SLCO2A1: variants seen among roughly 807,000 people sequenced by gnomAD.
The protein encoded by SLCO2A1 is matrin F/G 1.
Under a neutral mutation model 71.7 loss-of-function variants are expected in SLCO2A1, and 60 were observed. The observed-to-expected ratio is 0.84, with a 90% CI of 0.68 to 1.04. SLCO2A1 has a LOEUF of 1.04. Ranked by LOEUF, SLCO2A1 falls within the 50% of genes least tolerant of loss-of-function variation. SLCO2A1 has a pLI of 0.00. For missense variants in SLCO2A1, 745 were observed against 813.4 expected, an observed-to-expected ratio of 0.92 and a Z score of 1.02; for synonymous variants, 308 against 326.7, an observed-to-expected ratio of 0.94 and a Z score of 0.62.
chr3:133,938,433 C>A lies in SLCO2A1; in HGVS notation c.1686G>T (p.Leu562Phe), dbSNP rs761177468. The A allele has an allele frequency of 1.2e-6, 2 of 1,613,956 alleles. No individual in the cohort carries two copies. Among genetic ancestry groups the A allele is most frequent in the African/African-American group, 1.3e-5 (1 of 74,930 alleles). Residue 562 changes from leucine to phenylalanine, a missense_variant, in exon 12 of 14, where the codon TTG becomes TTT. Leu to Phe is a conservative substitution (Grantham distance 22, BLOSUM62 0). Coordinates refer to ENST00000310926, the MANE Select transcript of SLCO2A1 (RefSeq NM_005630.3). ...AGAGGGGTCTTAGACACTTACCCAG[C>A]AAGCGCATCAACAAGAACTGCACCC... ...AIGVQFLLMR[L>F]LAWLPSPALY...
rs147644142 is a variant in SLCO2A1 at position 133,945,240 on chromosome 3, G to A, written c.1316C>T (p.Pro439Leu). The change falls in exon 10 of 14, where the codon CCG becomes CTG. Residue 439 changes from proline to leucine, a missense_variant. Physicochemically the swap from Pro to Leu is moderately conservative, Grantham distance 98. Coordinates refer to ENST00000310926, the MANE Select transcript of SLCO2A1 (RefSeq NM_005630.3). ...GTCCCTGCGGCAGGCAGGAGACTGC[G>A]GATGTATAGAACTTGATGTGCTGCC... The part of the protein sequence containing the change: ...YPPSTSSSIH[P>L]QSPACRRDCS... 238 of 1,610,278 alleles carry A rather than the reference G, an allele frequency of 1.5e-4. No homozygotes were observed. The East Asian group carries it at 1.6e-3, about 11-fold the overall frequency.
At chr3:133,954,920 C>G in intron 4 of SLCO2A1, 46 bp downstream of exon 4, 1 of 1,507,410 alleles carries the variant, frequency 6.6e-7, no homozygotes, top group South Asian at 1.2e-5. Flanking sequence ...AGTGCTACAT[C>G]AGGACCTCAC....
At chr3:133,936,444 C>T (rs747693354) in intron 12 of SLCO2A1, among the ~76,000 whole-genome samples, 2 of 152,214 alleles carry the variant, frequency 1.3e-5, no homozygotes, top group Non-Finnish European at 2.9e-5. Context: ...CACCCCTCTG[C>T]AGACCTCCCA....
Position 134,004,493 on chromosome 3 carries a change from C to T in SLCO2A1, c.97-24875G>A, listed in dbSNP as rs556902481. On this transcript the variant is annotated intron_variant, in intron 1 of 13. Transcript: ENST00000310926. ...GGGACTACAGTCGTGCCCCACCATGCCTGGCTAATTTTGTATTTTTAGTAG... is the reference window on the plus strand; with the variant it reads ...GGGACTACAGTCGTGCCCCACCATGTCTGGCTAATTTTGTATTTTTAGTAG... Among the ~76,000 whole-genome samples the T allele has an allele frequency of 7.0e-4, 106 of 152,284 alleles. 1 individual carries two copies. Among genetic ancestry groups the T allele is most frequent in the African/African-American group, 2.3e-3 (95 of 41,554 alleles).
intron 3 of SLCO2A1, among the ~76,000 whole-genome samples, chr3:133,967,525 A>G (rs1048395644): frequency 1.3e-5 from 2 of 152,198 alleles, no homozygotes; most frequent in Non-Finnish European, 2.9e-5. Context: ...GCATTTAAAA[A>G]ATGTTCCACA....
chr3:133,975,286 T>G (rs2108056092), intron 2 of SLCO2A1, among the ~76,000 whole-genome samples: 1 of 152,264 alleles, frequency 6.6e-6, no homozygotes, highest in East Asian at 1.9e-4. Flanking sequence ...AAATGGCACC[T>G]CCATCCTCCC....
At chr3:134,020,360 C>T (rs565157461) in intron 1 of SLCO2A1, among the ~76,000 whole-genome samples, 20 of 152,296 alleles carry the variant, frequency 1.3e-4, no homozygotes, top group African/African-American at 4.8e-4. Context: ...GACCGGGAAG[C>T]GAGGTGATTG....
At chr3:133,993,777 T>C (rs990358852) in intron 1 of SLCO2A1, among the ~76,000 whole-genome samples, 15 of 152,222 alleles carry the variant, frequency 9.9e-5, no homozygotes, top group Non-Finnish European at 1.0e-4. Flanking sequence ...TTCAGACCTA[T>C]TAGATATTAT....
At chr3:133,959,423 T>C (rs1576434827) in intron 3 of SLCO2A1, among the ~76,000 whole-genome samples, 1 of 142,104 alleles carries the variant, frequency 7.0e-6, no homozygotes, top group East Asian at 2.0e-4. Context: ...AGAAAACGAG[T>C]GTTGGCAAGG....
At chr3:133,960,983 T>C (rs1934022340) in intron 3 of SLCO2A1, among the ~76,000 whole-genome samples, 1 of 151,568 alleles carries the variant, frequency 6.6e-6, no homozygotes, top group South Asian at 2.1e-4. Flanking sequence ...TGAATAAAGG[T>C]CAGTGAGGCT....
At chr3:133,967,324 G>T (rs1934203740) in intron 3 of SLCO2A1, among the ~76,000 whole-genome samples, 1 of 152,180 alleles carries the variant, frequency 6.6e-6, no homozygotes, top group Non-Finnish European at 1.5e-5. Context: ...TGATAGAAAA[G>T]CCTGACAGAG....
intron 3 of SLCO2A1, among the ~76,000 whole-genome samples, chr3:133,965,792 T>G (rs1191557706): frequency 1.4e-5 from 1 of 69,692 alleles, no homozygotes; most frequent in Non-Finnish European, 3.3e-5. Context: ...CTGGAAGCCT[T>G]ATTTTGTGTA....
chr3:133,945,027 T>C, intron 10 of SLCO2A1, 68 bp downstream of exon 10: 5 of 1,526,872 alleles, frequency 3.3e-6, no homozygotes, highest in Non-Finnish European at 4.4e-6. Flanking sequence ...AAACAGTCTT[T>C]GAGGGCATGC....
At chr3:133,937,123 T>C (rs1933288871) in intron 12 of SLCO2A1, among the ~76,000 whole-genome samples, 1 of 152,092 alleles carries the variant, frequency 6.6e-6, no homozygotes, top group Admixed American at 6.5e-5. Flanking sequence ...GTCCTTGTTT[T>C]CAAGGTCATT....
chr3:133,955,077 G>C lies in SLCO2A1; in HGVS notation c.514C>G (p.Leu172Val). The change falls in exon 4 of 14, where the codon CTG becomes GTG. Residue 172 changes from leucine to valine, a missense_variant. Coordinates refer to ENST00000310926, the MANE Select transcript of SLCO2A1 (RefSeq NM_005630.3). ...GCCAGCAGCTGGGCAACCACCATCA[G>C]GCCCCACATGCTGCTGGTCTCCTTC... is the stretch of plus-strand genomic sequence containing the variant. ...PQKETSSMWGLMVVAQLLAGI... is the reference protein window; with the variant it reads ...PQKETSSMWGVMVVAQLLAGI... The C allele has an allele frequency of 6.2e-7, 1 of 1,614,202 alleles. No homozygotes were observed.
chr3:134,002,361 A>G (rs1474284884), intron 1 of SLCO2A1, among the ~76,000 whole-genome samples: 1 of 152,226 alleles, frequency 6.6e-6, no homozygotes, highest in Admixed American at 6.5e-5. Context: ...CCCAGGCCAC[A>G]GCAGAAAGCT....
intron 1 of SLCO2A1, among the ~76,000 whole-genome samples, chr3:133,998,127 T>A (rs759814017): frequency 1.1e-4 from 16 of 152,298 alleles, no homozygotes; most frequent in Middle Eastern, 3.4e-3. Flanking sequence ...TGGGATCCCC[T>A]TGGTTCCATG....
At chr3:133,961,247 C>T (rs111771254) in intron 3 of SLCO2A1, among the ~76,000 whole-genome samples, 2,152 of 151,968 alleles carry the variant, frequency 0.014, 50 homozygotes, top group African/African-American at 0.046. Flanking sequence ...TTAGTGGCTG[C>T]GAGGATGGTG....
Position 133,986,485 on chromosome 3 carries a change from A to T in SLCO2A1, c.97-6867T>A, listed in dbSNP as rs141025159. Among the ~76,000 whole-genome samples, 471 of 152,306 alleles carry T rather than the reference A, an allele frequency of 3.1e-3. 2 individuals carry two copies. Among genetic ancestry groups the T allele is most frequent in the South Asian group, 0.017 (81 of 4,824 alleles). The stretch of plus-strand genomic sequence containing the variant: ...AAGGAAGCTGGCAGAGAAACCCCAC[A>T]GAGGACGAGCAACATTCTTGCAGGG... On this transcript the variant is annotated intron_variant, in intron 1 of 13. Coordinates refer to ENST00000310926, the MANE Select transcript of SLCO2A1 (RefSeq NM_005630.3).
Sources: gnomAD v4.1 joint callset for allele counts (sites outside exome capture counted in the v4.1 genomes callset) on GRCh38, gnomAD v4.1.1 for gene constraint, MANE v1.5 for transcripts, NCBI Gene and HGNC (gene_info 2026-07-23, HGNC 2026-07-21) for gene names.